MAP3K20: variants seen among roughly 807,000 people sequenced by gnomAD.
The protein encoded by MAP3K20 is mitogen-activated protein kinase kinase kinase 20, also known as HCCS-4.
A neutral mutation model predicts 85.7 loss-of-function variants in MAP3K20; 40 were observed. The ratio of observed to expected loss-of-function variants is 0.47; its 90% CI spans 0.36 to 0.61. The LOEUF (loss-of-function observed/expected upper bound fraction) is 0.61. Among genes scored for constraint, MAP3K20 ranks in the 20% least tolerant of loss-of-function variants. MAP3K20 has a pLI of 0.00. For synonymous variants in MAP3K20, 325 were observed against 327.7 expected (o/e 0.99, Z 0.09); for missense variants, 817 against 961.7 (o/e 0.85, Z 1.99).
In MAP3K20 at chr2:173,256,982, C is replaced by A. The variant is rs148057975; in HGVS notation, c.1360-1717C>A. Among the ~76,000 whole-genome samples, 889 of 152,114 alleles carry A rather than the reference C, an allele frequency of 5.8e-3. 6 individuals carry two copies. The highest frequency in any genetic ancestry group is 0.021 in the African/African-American group (856 of 41,464). On this transcript the variant is annotated intron_variant, in intron 16 of 19. Transcript: ENST00000375213. The stretch of plus-strand genomic sequence containing the variant: ...GCTTGAGCAACAACACAGTGAAACC[C>A]TAGCTCTACAAAAAATTAAAAATAA...
intron 2 of MAP3K20, among the ~76,000 whole-genome samples, chr2:173,099,778 A>AC (rs1687581641): frequency 6.6e-6 from 1 of 152,244 alleles, no homozygotes; most frequent in South Asian, 2.1e-4. Context: ...GTGACTCTGC[A>AC]TTCCAGTGAG....
chr2:173,224,598 T>A (rs1037103965), intron 11 of MAP3K20: 1 of 985,218 alleles, frequency 1.0e-6, no homozygotes, highest in Non-Finnish European at 1.2e-6. Context: ...CTAAAAGGAA[T>A]TAGAATACAG....
At position 173,256,506 on chromosome 2, in the gene MAP3K20, T is replaced by TAGACAGACAGAC. The variant is rs1279784010; in HGVS notation, c.1360-2190_1360-2189insCAGACAGACAGA. 1.4e-4 allele frequency among the ~76,000 whole-genome samples: 21 copies of TAGACAGACAGAC among 148,920 alleles called. No homozygotes were observed. In the South Asian group the frequency reaches 3.6e-3, roughly 25 times the overall value. On this transcript the variant is annotated intron_variant, in intron 16 of 19. Coordinates refer to ENST00000375213, the MANE Select transcript of MAP3K20 (RefSeq NM_016653.3). The stretch of plus-strand genomic sequence containing the variant: ...ATAGATAGATAGATAGATAGATAGA[T>TAGACAGACAGAC]AGATAGATAGATAGATAGATAGATA...
At chr2:173,100,166 G>T (rs1048550646) in intron 2 of MAP3K20, among the ~76,000 whole-genome samples, 1 of 152,228 alleles carries the variant, frequency 6.6e-6, no homozygotes, top group Non-Finnish European at 1.5e-5. Flanking sequence ...ATGTCCTGTT[G>T]TGAACTTTCT....
At chr2:173,139,858 C>T (rs1688915629) in intron 2 of MAP3K20, among the ~76,000 whole-genome samples, 1 of 152,144 alleles carries the variant, frequency 6.6e-6, no homozygotes, top group South Asian at 2.1e-4. Context: ...GCTATACTTA[C>T]ACCCACATAT....
At chr2:173,243,126 G>A (rs1684830682) in intron 16 of MAP3K20, among the ~76,000 whole-genome samples, 1 of 152,146 alleles carries the variant, frequency 6.6e-6, no homozygotes, top group Non-Finnish European at 1.5e-5. Context: ...AGCCTTTACA[G>A]AACCTACAGC....
At chr2:173,171,493 T>C (rs1640934507) in intron 3 of MAP3K20, among the ~76,000 whole-genome samples, 2 of 152,144 alleles carry the variant, frequency 1.3e-5, no homozygotes, top group South Asian at 4.1e-4. Flanking sequence ...GGGTGAAGGA[T>C]AGAAAAGGGA....
intron 8 of MAP3K20, among the ~76,000 whole-genome samples, chr2:173,201,144 TTA>T (rs1691047408): frequency 6.6e-6 from 1 of 152,214 alleles, no homozygotes; most frequent in Admixed American, 6.5e-5. Flanking sequence ...TTTCTAAAAA[TTA>T]TATCTGAAGA....
intron 11 of MAP3K20, chr2:173,223,337 GAAT>G (rs1684302220): frequency 1.1e-6 from 1 of 890,214 alleles, no homozygotes; most frequent in Non-Finnish European, 1.3e-6. Flanking sequence ...TTCAGCGTGG[GAAT>G]AATAACAGTA....
chr2:173,256,454 C>G (rs930360760), intron 16 of MAP3K20, among the ~76,000 whole-genome samples: 4 of 151,556 alleles, frequency 2.6e-5, no homozygotes, highest in Non-Finnish European at 5.9e-5. Flanking sequence ...TAGCGAGACA[C>G]TAACTCTAAA....
At chr2:173,104,634 A>G (rs1365622316) in intron 2 of MAP3K20, among the ~76,000 whole-genome samples, 1 of 152,222 alleles carries the variant, frequency 6.6e-6, no homozygotes. Context: ...GCATGTTAAC[A>G]TGGGGGGAAA....
chr2:173,221,340 G>C (rs1485302796), intron 11 of MAP3K20: 14 of 1,613,792 alleles, frequency 8.7e-6, no homozygotes, highest in Non-Finnish European at 1.2e-5. Context: ...AACAAAGCAG[G>C]AGCTGTGATG....
At chr2:173,215,819 C>T (rs1684056091) in intron 10 of MAP3K20, 1 of 152,198 alleles carries the variant, frequency 6.6e-6, no homozygotes, top group African/African-American at 2.4e-5. Context: ...GTAAACTGTT[C>T]ACTTACTCTT....
chr2:173,196,560 A>G (rs1690847213), intron 7 of MAP3K20, among the ~76,000 whole-genome samples: 1 of 152,186 alleles, frequency 6.6e-6, no homozygotes, highest in Admixed American at 6.5e-5. Context: ...AGCATCTGCC[A>G]ATTTCCCTGA....
intron 16 of MAP3K20, among the ~76,000 whole-genome samples, chr2:173,240,603 G>A (rs1054262058): frequency 2.6e-5 from 4 of 152,164 alleles, no homozygotes; most frequent in Admixed American, 2.0e-4. Flanking sequence ...CTAATTATCA[G>A]GGAAATGCAA....
Position 173,200,750 on chromosome 2 carries a change from C to G in MAP3K20, c.669+2638C>G, listed in dbSNP as rs1691028199. Among the ~76,000 whole-genome samples the G allele has an allele frequency of 5.3e-5, 8 of 152,054 alleles. No individual in the cohort carries two copies. In the South Asian group the frequency reaches 1.7e-3, roughly 31 times the overall value. On this transcript the variant is annotated intron_variant, in intron 8 of 19. Transcript: ENST00000375213. ...GGTCAAGGCTGCCACCATTATCATACCACTGCACTCCAGCCTGGGTGACAG... is the reference window on the plus strand; with the variant it reads ...GGTCAAGGCTGCCACCATTATCATAGCACTGCACTCCAGCCTGGGTGACAG...
At chr2:173,207,142 A>G (rs1423995192) in intron 9 of MAP3K20, among the ~76,000 whole-genome samples, 1 of 151,898 alleles carries the variant, frequency 6.6e-6, no homozygotes, top group African/African-American at 2.4e-5. Flanking sequence ...AGAGAAGGAG[A>G]AAAAAAGGAA....
intron 11 of MAP3K20, chr2:173,222,038 A>G (rs1684266840): frequency 1.0e-6 from 1 of 970,104 alleles, no homozygotes; most frequent in South Asian, 4.8e-5. Context: ...CCTCGTCTCT[A>G]CTAATAATTA....
At chr2:173,177,128 G>C (rs1227121584) in intron 3 of MAP3K20, among the ~76,000 whole-genome samples, 1 of 152,154 alleles carries the variant, frequency 6.6e-6, no homozygotes, top group Non-Finnish European at 1.5e-5. Flanking sequence ...ATAATTGATA[G>C]AACAGCTAGA....
Sources: allele counts gnomAD v4.1 joint callset (sites outside exome capture counted in the v4.1 genomes callset), GRCh38; gene constraint gnomAD v4.1.1; transcripts MANE v1.5; gene names NCBI Gene and HGNC (gene_info 2026-07-23, HGNC 2026-07-21).